ABL2: variants seen among roughly 807,000 people sequenced by gnomAD.
ABL2 encodes the protein tyrosine-protein kinase ABL2.
In ABL2, 49 loss-of-function variants were observed where a neutral mutation model predicts 107.7. The observed-to-expected ratio is 0.45, with a 90% CI of 0.36 to 0.58. ABL2 has a LOEUF of 0.58. Ranked by LOEUF, ABL2 falls within the 20% of genes least tolerant of loss-of-function variation. ABL2 has a pLI of 0.00. For synonymous variants in ABL2, 549 were observed against 548.6 expected, an observed-to-expected ratio of 1.00 and a Z score of -0.01; for missense variants, 1,245 against 1,457.0, an observed-to-expected ratio of 0.85 and a Z score of 2.37.
intron 6 of ABL2, 148 bp from the exon 7 acceptor site, chr1:179,118,912 G>T: frequency 1.2e-6 from 1 of 818,764 alleles, no homozygotes; most frequent in Non-Finnish European, 1.9e-6. Context: ...AAATTAATAA[G>T]CAAAAACTAA....
intron 1 of ABL2, among the ~76,000 whole-genome samples, chr1:179,192,319 A>G (rs1187173475): frequency 2.0e-5 from 3 of 152,200 alleles, no homozygotes; most frequent in Non-Finnish European, 2.9e-5. Flanking sequence ...AGGGAGACAG[A>G]GACAAACCAA....
intron 9 of ABL2, among the ~76,000 whole-genome samples, chr1:179,114,427 AAAC>A (rs1443834307): frequency 6.6e-6 from 1 of 152,188 alleles, no homozygotes; most frequent in Non-Finnish European, 1.5e-5. Context: ...AGTGTTTGAA[AAAC>A]AACAACACAA....
chr1:179,175,046 A>T (rs559878974), intron 1 of ABL2, among the ~76,000 whole-genome samples: 9 of 151,828 alleles, frequency 5.9e-5, no homozygotes, highest in South Asian at 4.2e-4. Context: ...TAGTTTTTTT[A>T]AAAAAATAGT....
intron 1 of ABL2, among the ~76,000 whole-genome samples, chr1:179,200,039 CTTTTTTTTTTTT>C (rs55873652): frequency 1.2e-5 from 1 of 84,104 alleles, no homozygotes; most frequent in Non-Finnish European, 2.2e-5. Context: ...CCCCCAATGC[CTTTTTTTTTTTT>C]TTTTTTTTTT....
intron 1 of ABL2, among the ~76,000 whole-genome samples, chr1:179,139,997 T>C (rs1440054742): frequency 1.3e-5 from 2 of 152,222 alleles, no homozygotes; most frequent in African/African-American, 4.8e-5. Flanking sequence ...ACTATTTCAC[T>C]AGACTCCTGA....
chr1:179,162,578 C>CAGG (rs1659136124), intron 1 of ABL2, among the ~76,000 whole-genome samples: 1 of 147,426 alleles, frequency 6.8e-6, no homozygotes, highest in Non-Finnish European at 1.5e-5. Context: ...GAGCGAGACT[C>CAGG]TGTTTTTAAA....
chr1:179,130,936 A>ATTTTTTTT (rs11382795), intron 3 of ABL2, among the ~76,000 whole-genome samples: 1 of 142,618 alleles, frequency 7.0e-6, no homozygotes. Flanking sequence ...TTTCAGGATA[A>ATTTTTTTT]TTTTTTTTTT....
At position 179,147,373 on chromosome 1, in the gene ABL2, A is replaced by G. The variant is rs575442411; in HGVS notation, c.158-13999T>C. Among the ~76,000 whole-genome samples the G allele has an allele frequency of 4.6e-5, 7 of 152,280 alleles. No homozygotes were observed. The East Asian group carries it at 1.4e-3, about 29-fold the overall frequency. ...AATCCCACTACTGGGTATCTACCCA[A>G]AGGAAAAGAAATCATTCTATCAAAA... On this transcript the variant is annotated intron_variant, in intron 1 of 11. Transcript: ENST00000502732.
At chr1:179,138,424 G>T (rs1657241722) in intron 1 of ABL2, among the ~76,000 whole-genome samples, 1 of 152,094 alleles carries the variant, frequency 6.6e-6, no homozygotes, top group Admixed American at 6.5e-5. Flanking sequence ...AATGTTTATT[G>T]GGGAAAAAGA....
At chr1:179,149,063 A>G (rs1488788374) in intron 1 of ABL2, among the ~76,000 whole-genome samples, 2 of 152,254 alleles carry the variant, frequency 1.3e-5, no homozygotes, top group African/African-American at 4.8e-5. Flanking sequence ...CTAAAAAACT[A>G]CGTCTCTCGT....
At chr1:179,146,660 C>G (rs1289189355) in intron 1 of ABL2, among the ~76,000 whole-genome samples, 1 of 152,080 alleles carries the variant, frequency 6.6e-6, no homozygotes, top group Non-Finnish European at 1.5e-5. Flanking sequence ...CATTTTCCCC[C>G]ATGCTGTTCT....
At chr1:179,110,754 G>C (rs1653975972) in intron 10 of ABL2, 1 of 1,613,640 alleles carries the variant, frequency 6.2e-7, no homozygotes, top group Non-Finnish European at 8.5e-7. Flanking sequence ...TTTCCAGTTT[G>C]GAGTTACTAT....
At chr1:179,154,543 C>T (rs958893305) in intron 1 of ABL2, among the ~76,000 whole-genome samples, 5 of 152,198 alleles carry the variant, frequency 3.3e-5, no homozygotes, top group Non-Finnish European at 7.3e-5. Flanking sequence ...AAGGTAAGAT[C>T]TCTAATTCGG....
chr1:179,189,377 G>A (rs912420298), intron 1 of ABL2, among the ~76,000 whole-genome samples: 4 of 152,062 alleles, frequency 2.6e-5, no homozygotes, highest in Non-Finnish European at 4.4e-5. Context: ...CAGGTGATCC[G>A]CCCACCTTGG....
chr1:179,140,014 T>C lies in ABL2; in HGVS notation c.158-6640A>G, dbSNP rs539419325. 3.3e-5 allele frequency among the ~76,000 whole-genome samples: 5 copies of C among 152,346 alleles called. No individual in the cohort carries two copies. The East Asian group carries it at 7.7e-4, about 23-fold the overall frequency. ...TATTTCACTAGACTCCTGATTTCCA[T>C]GCTTCCGTGCTTGTTCCCTACTGTT... On this transcript the variant is annotated intron_variant, in intron 1 of 11. Transcript: ENST00000502732.
chr1:179,217,868 G>A (rs1051043419), intron 1 of ABL2, among the ~76,000 whole-genome samples: 2 of 152,084 alleles, frequency 1.3e-5, no homozygotes, highest in Non-Finnish European at 2.9e-5. Context: ...AAAAATCTTT[G>A]TATTATATAT....
intron 1 of ABL2, among the ~76,000 whole-genome samples, chr1:179,210,509 A>AG (rs1045625676): frequency 1.2e-3 from 184 of 150,854 alleles, no homozygotes; most frequent in African/African-American, 3.6e-3. Context: ...CTCACAAAAA[A>AG]AAAAAAAAAG....
At chr1:179,143,222 A>T in intron 1 of ABL2, 1 of 811,572 alleles carries the variant, frequency 1.2e-6, no homozygotes, top group Non-Finnish European at 1.7e-6. Flanking sequence ...GAGTGACCTA[A>T]AGGAAAATTT....
Position 179,105,087 on chromosome 1 carries a change from T to TGTTG in ABL2, c.*2630_*2631insCAAC, listed in dbSNP as rs1212378396. On this transcript the variant is annotated 3_prime_UTR_variant, in exon 12 of 12. Coordinates refer to ENST00000502732, the MANE Select transcript of ABL2 (RefSeq NM_007314.4). Reference sequence around the variant, plus strand: ...ATCATGTGGACGGGGTATGCTCCAATAGTCAATGCCACTCTTGACAGTGTT... The same window carrying TGTTG: ...ATCATGTGGACGGGGTATGCTCCAATGTTGAGTCAATGCCACTCTTGACAGTGTT... The TGTTG allele has an allele frequency of 4.3e-6, 1 of 230,394 alleles. No individual in the cohort carries two copies. The highest frequency in any genetic ancestry group is 5.6e-5 in the Admixed American group (1 of 17,700). 14.3% of individuals were successfully genotyped at this position (230,394 alleles called of 1,614,324 possible).
Sources: gnomAD v4.1 joint callset for allele counts (sites outside exome capture counted in the v4.1 genomes callset) on GRCh38, gnomAD v4.1.1 for gene constraint, MANE v1.5 for transcripts, NCBI Gene and HGNC (gene_info 2026-07-23, HGNC 2026-07-21) for gene names.